TBC1D22A: variants seen among roughly 807,000 people sequenced by gnomAD.
TBC1D22A encodes putative GTPase activator.
A neutral mutation model predicts 60.2 loss-of-function variants in TBC1D22A; 38 were observed. The ratio of observed to expected loss-of-function variants is 0.63; its 90% confidence interval spans 0.49 to 0.83. TBC1D22A has a LOEUF of 0.83. Ranked by LOEUF, TBC1D22A falls within the 40% of genes least tolerant of loss-of-function variation. TBC1D22A has a pLI of 0.00. For synonymous variants in TBC1D22A, 302 were observed against 281.7 expected, an observed-to-expected ratio of 1.07 and a Z score of -0.72; for missense variants, 628 against 701.0, an observed-to-expected ratio of 0.90 and a Z score of 1.18.
intron 4 of TBC1D22A, among the ~76,000 whole-genome samples, chr22:46,825,969 A>G (rs1047130923): frequency 1.4e-4 from 20 of 146,382 alleles, no homozygotes; most frequent in African/African-American, 4.6e-4. Flanking sequence ...TGCAAGCTCC[A>G]TCTCCCGGGT....
At chr22:47,004,873 G>T in intron 10 of TBC1D22A, among the ~76,000 whole-genome samples, 1 of 150,096 alleles carries the variant, frequency 6.7e-6, no homozygotes, top group East Asian at 2.0e-4. Context: ...CCCTGTATAA[G>T]TGCCTATATA....
At chr22:47,138,461 C>T (rs545957543) in intron 12 of TBC1D22A, among the ~76,000 whole-genome samples, 3 of 152,262 alleles carry the variant, frequency 2.0e-5, no homozygotes, top group South Asian at 2.1e-4. Flanking sequence ...TGGGGAGAAG[C>T]GAGCAGTATG....
chr22:46,794,990 GT>G (rs2084590910), intron 3 of TBC1D22A, among the ~76,000 whole-genome samples: 1 of 152,248 alleles, frequency 6.6e-6, no homozygotes, highest in African/African-American at 2.4e-5. Flanking sequence ...CCTAGGTCTA[GT>G]TTTTAAAACC....
intron 12 of TBC1D22A, among the ~76,000 whole-genome samples, chr22:47,144,359 G>A (rs941691522): frequency 6.6e-6 from 1 of 152,164 alleles, no homozygotes. Context: ...TTTGGAAAGG[G>A]CCCTTTTCTG....
rs992177815 is a variant in TBC1D22A, at chr22:46,980,993, G to A, written c.1125+6594G>A. Among the ~76,000 whole-genome samples, 7 of 152,330 alleles carry A rather than the reference G, an allele frequency of 4.6e-5. No individual in the cohort carries two copies. The South Asian group carries it at 8.3e-4, about 18-fold the overall frequency. ...AGCTATATGCTACTTACAAGACACC[G>A]AAACCACAAGGAGACAGGTAGAAAG... On this transcript the variant is annotated intron_variant, in intron 9 of 12. Coordinates refer to ENST00000337137, the MANE Select transcript of TBC1D22A (RefSeq NM_014346.5).
At chr22:46,895,823 G>A (rs2068646669) in intron 7 of TBC1D22A, among the ~76,000 whole-genome samples, 1 of 152,158 alleles carries the variant, frequency 6.6e-6, no homozygotes, top group Non-Finnish European at 1.5e-5. Context: ...GTTATCTGGA[G>A]CCTTCACGTA....
chr22:46,773,144 C>T (rs1601805308), intron 1 of TBC1D22A, among the ~76,000 whole-genome samples: 1 of 152,164 alleles, frequency 6.6e-6, no homozygotes, highest in Non-Finnish European at 1.5e-5. Context: ...CATCTCTGCC[C>T]CTCCTCAGCT....
intron 12 of TBC1D22A, among the ~76,000 whole-genome samples, chr22:47,164,732 G>C (rs2068130169): frequency 6.6e-6 from 1 of 152,204 alleles, no homozygotes; most frequent in Non-Finnish European, 1.5e-5. Flanking sequence ...GTTCACTGGG[G>C]TCGCTCCGCT....
At chr22:46,825,231 C>T (rs1303890816) in intron 4 of TBC1D22A, among the ~76,000 whole-genome samples, 1 of 151,558 alleles carries the variant, frequency 6.6e-6, no homozygotes, top group African/African-American at 2.4e-5. Context: ...AGAGAAATTC[C>T]TTTTGCCACC....
At chr22:47,003,706 A>ACG (rs1711915231) in intron 10 of TBC1D22A, among the ~76,000 whole-genome samples, 2 of 132,960 alleles carry the variant, frequency 1.5e-5, no homozygotes, top group African/African-American at 3.0e-5. Context: ...CACCCTACAC[A>ACG]CATGCCTGTA....
chr22:46,999,059 A>G (rs1452748670), intron 10 of TBC1D22A, among the ~76,000 whole-genome samples: 8 of 152,254 alleles, frequency 5.3e-5, no homozygotes. Flanking sequence ...CGTTCTGAGC[A>G]GGTTCCTCCT....
intron 11 of TBC1D22A, among the ~76,000 whole-genome samples, chr22:47,089,223 GTTAA>G (rs1295503944): frequency 2.0e-5 from 3 of 152,192 alleles, no homozygotes; most frequent in Non-Finnish European, 4.4e-5. Flanking sequence ...AGGAATCATG[GTTAA>G]TTGTTTTGAT....
At chr22:46,847,777 C>T (rs113943832) in intron 4 of TBC1D22A, among the ~76,000 whole-genome samples, 36 of 152,252 alleles carry the variant, frequency 2.4e-4, no homozygotes, top group African/African-American at 7.9e-4. Context: ...AGAGGAGTGC[C>T]CCACTCATTC....
chr22:46,948,554 G>A (rs1203283773), intron 8 of TBC1D22A, among the ~76,000 whole-genome samples: 1 of 152,172 alleles, frequency 6.6e-6, no homozygotes, highest in Non-Finnish European at 1.5e-5. Flanking sequence ...TGTATTGGTC[G>A]ATAACCCTTT....
chr22:46,909,677 C>T (rs1385482307), intron 7 of TBC1D22A, among the ~76,000 whole-genome samples: 1 of 152,168 alleles, frequency 6.6e-6, no homozygotes, highest in East Asian at 1.9e-4. Flanking sequence ...CTTGTGTGGC[C>T]CCTGTCCCCT....
chr22:46,831,180 C>T (rs145858097), intron 4 of TBC1D22A, among the ~76,000 whole-genome samples: 375 of 152,262 alleles, frequency 2.5e-3, no homozygotes, highest in African/African-American at 8.4e-3. Context: ...GAGCAGAGAG[C>T]ATGGACAGAG....
intron 11 of TBC1D22A, among the ~76,000 whole-genome samples, chr22:47,067,944 TTC>T (rs2063833736): frequency 6.6e-6 from 1 of 152,216 alleles, no homozygotes; most frequent in Non-Finnish European, 1.5e-5. Context: ...ACTCCATGTG[TTC>T]TAGTTCTGCA....
intron 11 of TBC1D22A, among the ~76,000 whole-genome samples, chr22:47,096,265 C>T (rs1228413977): frequency 6.6e-6 from 1 of 152,174 alleles, no homozygotes; most frequent in Non-Finnish European, 1.5e-5. Context: ...TTGTATTCAT[C>T]ATCTTTTTAG....
At chr22:47,157,218 C>T (rs1272424370) in intron 12 of TBC1D22A, among the ~76,000 whole-genome samples, 1 of 152,234 alleles carries the variant, frequency 6.6e-6, no homozygotes, top group Non-Finnish European at 1.5e-5. Context: ...CACCGTGGCA[C>T]ACGTGCTGTA....
Sources: allele counts gnomAD v4.1 joint callset (sites outside exome capture counted in the v4.1 genomes callset), GRCh38; gene constraint gnomAD v4.1.1; transcripts MANE v1.5; gene names NCBI Gene and HGNC (gene_info 2026-07-23, HGNC 2026-07-21).